Variants in NFKB1 observed in about 807,000 individuals in gnomAD.
The protein encoded by NFKB1 is nuclear factor kappa B subunit 1.
In NFKB1, 9 loss-of-function variants were observed where a neutral mutation model predicts 105.1. The ratio of observed to expected loss-of-function variants is 0.09; its 90% CI spans 0.05 to 0.15. The LOEUF (loss-of-function observed/expected upper bound fraction) is 0.15. NFKB1 is among the 10% of genes least tolerant of loss of function. NFKB1 has a pLI of 1.00. For missense variants in NFKB1, 830 were observed against 1,203.7 expected, an observed-to-expected ratio of 0.69 and a Z score of 4.59; for synonymous variants, 440 against 442.2, an observed-to-expected ratio of 1.00 and a Z score of 0.06.
chr4:102,509,315 C>G (rs532791651), intron 1 of NFKB1, among the ~76,000 whole-genome samples: 39 of 152,172 alleles, frequency 2.6e-4, no homozygotes, highest in African/African-American at 8.9e-4. Flanking sequence ...TATTTTAAAC[C>G]ATTACATAAT....
intron 5 of NFKB1, among the ~76,000 whole-genome samples, chr4:102,542,735 T>G (rs566837022): frequency 4.2e-4 from 64 of 152,348 alleles, no homozygotes; most frequent in Non-Finnish European, 7.5e-4. Context: ...ATAGGATGGC[T>G]CCTTTTCAGG....
intron 4 of NFKB1, among the ~76,000 whole-genome samples, 173 bp downstream of exon 4, chr4:102,534,058 A>C (rs542159981): frequency 7.9e-5 from 12 of 152,170 alleles, no homozygotes; most frequent in Non-Finnish European, 1.6e-4. Flanking sequence ...TCTCTTACTC[A>C]TTGTTCACAC....
In NFKB1 at chr4:102,612,525, G is replaced by T; in HGVS notation, c.2511G>T (p.Ala837=). ...CAGACAAAAACTGGGCTACTCTGGC[G>T]CAGAAATTAGGTCTGGGGATACTTA... ...PDPDKNWATL[A]QKLGLGILNN... The change falls in exon 22 of 24, where the codon GCG becomes GCT. Residue 837 remains alanine (A), a synonymous_variant. Transcript: ENST00000226574. 6.2e-7 allele frequency: 1 copy of T among 1,614,038 alleles called. No individual in the cohort carries two copies. Among genetic ancestry groups the T allele is most frequent in the Non-Finnish European group, 8.5e-7 (1 of 1,180,022 alleles).
At chr4:102,504,925 A>G (rs1187643506) in intron 1 of NFKB1, among the ~76,000 whole-genome samples, 1 of 152,192 alleles carries the variant, frequency 6.6e-6, no homozygotes, top group Non-Finnish European at 1.5e-5. Context: ...CATAATTTGG[A>G]CAGTTAATAG....
At chr4:102,598,573 A>G (rs1159343540) in intron 15 of NFKB1, among the ~76,000 whole-genome samples, 1 of 152,194 alleles carries the variant, frequency 6.6e-6, no homozygotes, top group African/African-American at 2.4e-5. Context: ...ATGTGGTATA[A>G]CCACTGGCCT....
intron 3 of NFKB1, among the ~76,000 whole-genome samples, chr4:102,531,971 T>G (rs1741320542): frequency 6.6e-6 from 1 of 152,248 alleles, no homozygotes; most frequent in Admixed American, 6.5e-5. Context: ...AATGTTTTTA[T>G]AAGTGTTACA....
chr4:102,569,552 T>A (rs1391938066), intron 6 of NFKB1, among the ~76,000 whole-genome samples: 1 of 152,040 alleles, frequency 6.6e-6, no homozygotes, highest in East Asian at 1.9e-4. Context: ...ATACTAGAAA[T>A]GAAGCTAAGA....
chr4:102,529,983 T>C, intron 3 of NFKB1, 69 bp downstream of exon 3: 1 of 1,122,936 alleles, frequency 8.9e-7, no homozygotes, highest in Non-Finnish European at 1.3e-6. Flanking sequence ...GATTTGTTAA[T>C]AGTCTGTCCT....
At chr4:102,563,586 A>G (rs1256499804) in intron 5 of NFKB1, among the ~76,000 whole-genome samples, 1 of 152,138 alleles carries the variant, frequency 6.6e-6, no homozygotes, top group Admixed American at 6.6e-5. Context: ...AAGGCTTTAC[A>G]TGCATTAATG....
rs4648107 is a variant in NFKB1, at chr4:102,611,427, T to C, written c.2353-617T>C. Among the ~76,000 whole-genome samples, 1,117 of 152,282 alleles carry C rather than the reference T, an allele frequency of 7.3e-3. 9 individuals are homozygous for C. The highest frequency in any genetic ancestry group is 0.023 in the African/African-American group (940 of 41,540). The stretch of plus-strand genomic sequence containing the variant: ...CACAGAACACAAAAAGATGATGCAC[T>C]CAGTGACCCCACGCTCTCCTTACCC... On this transcript the variant is annotated intron_variant, in intron 20 of 23. Coordinates refer to ENST00000226574, the MANE Select transcript of NFKB1 (RefSeq NM_003998.4).
chr4:102,585,598 G>A (rs967843024), intron 11 of NFKB1, among the ~76,000 whole-genome samples: 2 of 152,144 alleles, frequency 1.3e-5, no homozygotes, highest in Non-Finnish European at 2.9e-5. Context: ...CACAAAAGAT[G>A]CTTTAAGAAA....
intron 11 of NFKB1, among the ~76,000 whole-genome samples, chr4:102,588,585 A>G (rs1725913270): frequency 6.6e-6 from 1 of 152,214 alleles, no homozygotes; most frequent in Non-Finnish European, 1.5e-5. Context: ...CTAAAACCTG[A>G]AAAGTGAGAA....
rs1311577382 is a variant in NFKB1 at position 102,502,390 on chromosome 4, G to GCGCACACA, written c.-8+603_-8+604insGCACACAC. 5.6e-3 allele frequency among the ~76,000 whole-genome samples: 594 copies of GCGCACACA among 105,350 alleles called. 11 individuals carry two copies. Among genetic ancestry groups the GCGCACACA allele is most frequent in the African/African-American group, 0.015 (360 of 23,980 alleles). The allele number at this position is 105,350 out of a possible 152,430, so 69.1% of individuals were successfully genotyped here. ...CCCCCCTCCGTGCGCGCGCGCGCGC[G>GCGCACACA]CACACACACACACACACACACACAC... On this transcript the variant is annotated intron_variant, in intron 1 of 23. Coordinates refer to ENST00000226574, the MANE Select transcript of NFKB1 (RefSeq NM_003998.4).
At chr4:102,545,866 A>G (rs1467416169) in intron 5 of NFKB1, among the ~76,000 whole-genome samples, 1 of 152,230 alleles carries the variant, frequency 6.6e-6, no homozygotes, top group Non-Finnish European at 1.5e-5. Flanking sequence ...TATTCAATGT[A>G]TACCGTGGAA....
At chr4:102,514,195 A>G (rs1249903110) in intron 1 of NFKB1, among the ~76,000 whole-genome samples, 1 of 151,840 alleles carries the variant, frequency 6.6e-6, no homozygotes, top group African/African-American at 2.4e-5. Flanking sequence ...AGAAAATAAT[A>G]ATAATAATAA....
intron 5 of NFKB1, among the ~76,000 whole-genome samples, chr4:102,564,788 G>GGAAAGCCTAGCTGATTTC (rs1183139200): frequency 2.0e-5 from 3 of 152,170 alleles, no homozygotes; most frequent in Non-Finnish European, 4.4e-5. Context: ...CTATTAAATT[G>GGAAAGCCTAGCTGATTTC]GAAAGCCTAG....
At chr4:102,607,471 A>C in intron 18 of NFKB1, 152 bp downstream of exon 18, 1 of 1,112,310 alleles carries the variant, frequency 9.0e-7, no homozygotes, top group Non-Finnish European at 1.3e-6. Context: ...CCACCTTTAG[A>C]CATTCCCCCA....
rs1168588389 is a variant in NFKB1, at chr4:102,520,642, CA to C, written c.-7-4867del. ...TACAAATCTAAATGTTGTAGTGCAC[CA>C]AATTGATTCCTTTTTAAAAACTTTC... is the stretch of plus-strand genomic sequence containing the variant. On this transcript the variant is annotated intron_variant, in intron 1 of 23. Transcript: ENST00000226574. Among the ~76,000 whole-genome samples the C allele has an allele frequency of 1.5e-4, 23 of 151,912 alleles. 1 individual carries two copies. Among genetic ancestry groups the C allele is most frequent in the African/African-American group, 5.6e-4 (23 of 41,432 alleles).
intron 7 of NFKB1, 71 bp from the exon 8 acceptor site, chr4:102,578,810 T>C (rs1446305288): frequency 6.6e-7 from 1 of 1,506,510 alleles, no homozygotes. Flanking sequence ...TTATTTGGGC[T>C]TTATAAAAGC....
Sources: gnomAD v4.1 joint callset for allele counts (sites outside exome capture counted in the v4.1 genomes callset) on GRCh38, gnomAD v4.1.1 for gene constraint, MANE v1.5 for transcripts, NCBI Gene and HGNC (gene_info 2026-07-23, HGNC 2026-07-21) for gene names.